Variants in DCC observed in about 807,000 individuals in gnomAD.
DCC encodes DCC netrin 1 receptor.
DCC carries 58 observed loss-of-function variants against 172.5 expected under a neutral mutation model. The observed-to-expected ratio is 0.34, with a 90% confidence interval of 0.27 to 0.42. DCC has a LOEUF of 0.42. Among genes scored for constraint, DCC ranks in the 10% least tolerant of loss-of-function variants. DCC has a pLI of 1.00. For missense variants in DCC, 1,740 were observed against 1,791.0 expected (o/e 0.97, Z 0.51); for synonymous variants, 709 against 644.5 (o/e 1.10, Z -1.52).
At chr18:52,501,997 A>C (rs1052712537) in intron 1 of DCC, among the ~76,000 whole-genome samples, 3 of 152,208 alleles carry the variant, frequency 2.0e-5, no homozygotes, top group African/African-American at 7.2e-5. Context: ...AACTTGTCTC[A>C]GATCCACTGA....
chr18:52,753,776 G>GC (rs2037034993), intron 2 of DCC, among the ~76,000 whole-genome samples: 1 of 152,082 alleles, frequency 6.6e-6, no homozygotes, highest in Non-Finnish European at 1.5e-5. Flanking sequence ...TGCTATTTCT[G>GC]CCCCACTCTT....
At chr18:52,409,541 C>T (rs546857386) in intron 1 of DCC, among the ~76,000 whole-genome samples, 2 of 152,274 alleles carry the variant, frequency 1.3e-5, no homozygotes, top group East Asian at 3.9e-4. Flanking sequence ...GGATTTAGAG[C>T]CAGCGGCCTG....
rs138330079 is a variant in DCC at position 53,403,139 on chromosome 18, G to A, written c.2935+246G>A. 1.3e-3 allele frequency among the ~76,000 whole-genome samples: 192 copies of A among 149,774 alleles called. 1 individual carries two copies. The highest frequency in any genetic ancestry group is 6.8e-3 in the Middle Eastern group (2 of 294). On this transcript the variant is annotated intron_variant, in intron 19 of 28. Transcript: ENST00000442544. ...ACACACGTCATTTGATTTGCTTCAC[G>A]AAAGATGTGTATTTCAATTAGAATA...
intron 1 of DCC, among the ~76,000 whole-genome samples, chr18:52,370,665 A>C (rs147949244): frequency 1.3e-5 from 2 of 152,300 alleles, no homozygotes; most frequent in East Asian, 3.9e-4. Flanking sequence ...CACGACACAC[A>C]TTTACCTATG....
intron 12 of DCC, among the ~76,000 whole-genome samples, chr18:53,259,354 G>A (rs905397048): frequency 6.6e-6 from 1 of 152,166 alleles, no homozygotes; most frequent in South Asian, 2.1e-4. Context: ...GGTACCAGTT[G>A]TTCCTTTCCA....
chr18:53,251,452 C>CT (rs1490780937), intron 12 of DCC, among the ~76,000 whole-genome samples: 1 of 151,856 alleles, frequency 6.6e-6, no homozygotes, highest in Non-Finnish European at 1.5e-5. Flanking sequence ...ATGGATATAA[C>CT]TAACAATAAC....
chr18:52,503,227 A>C (rs554006117), intron 1 of DCC, among the ~76,000 whole-genome samples: 4 of 152,192 alleles, frequency 2.6e-5, no homozygotes, highest in Non-Finnish European at 5.9e-5. Flanking sequence ...TAGAAGCCGA[A>C]TGACTATACA....
chr18:53,183,880 C>A (rs2055238056), intron 9 of DCC, among the ~76,000 whole-genome samples: 1 of 151,868 alleles, frequency 6.6e-6, no homozygotes, highest in South Asian at 2.1e-4. Context: ...GTTTGTCAAT[C>A]ATCGAGACCT....
intron 1 of DCC, among the ~76,000 whole-genome samples, chr18:52,399,749 A>G (rs911417883): frequency 6.6e-6 from 1 of 151,954 alleles, no homozygotes; most frequent in Non-Finnish European, 1.5e-5. Context: ...GTGTTTTTCC[A>G]TTATAAAGCC....
At chr18:53,350,722 GT>G in intron 15 of DCC, among the ~76,000 whole-genome samples, 1 of 152,090 alleles carries the variant, frequency 6.6e-6, no homozygotes, top group East Asian at 1.9e-4. Context: ...AAGTTGGAAA[GT>G]TGGTAATTCA....
chr18:53,180,462 G>A (rs966218852), intron 9 of DCC, among the ~76,000 whole-genome samples: 5 of 151,996 alleles, frequency 3.3e-5, no homozygotes, highest in Non-Finnish European at 7.4e-5. Context: ...AAAAACACAG[G>A]GGCACATTGT....
intron 7 of DCC, among the ~76,000 whole-genome samples, chr18:53,149,269 A>G (rs1321263554): frequency 1.3e-5 from 2 of 152,184 alleles, no homozygotes; most frequent in Non-Finnish European, 2.9e-5. Context: ...ACAAATAACA[A>G]TAATAACAGC....
At chr18:52,785,614 T>C (rs2037643084) in intron 2 of DCC, among the ~76,000 whole-genome samples, 1 of 152,064 alleles carries the variant, frequency 6.6e-6, no homozygotes, top group African/African-American at 2.4e-5. Flanking sequence ...TTGTTTGGTC[T>C]GCAGCACCAT....
chr18:52,869,357 G>A (rs1185125690), intron 2 of DCC, among the ~76,000 whole-genome samples: 1 of 152,172 alleles, frequency 6.6e-6, no homozygotes, highest in Non-Finnish European at 1.5e-5. Flanking sequence ...GTCTATAGCT[G>A]GTCGTCCTGT....
At chr18:53,236,422 G>A (rs979599042) in intron 12 of DCC, among the ~76,000 whole-genome samples, 17 of 152,006 alleles carry the variant, frequency 1.1e-4, no homozygotes, top group Non-Finnish European at 2.2e-4. Flanking sequence ...TTATCAATGT[G>A]TAGAAATTCT....
At chr18:52,474,206 TAGAGAG>T (rs61277582) in intron 1 of DCC, among the ~76,000 whole-genome samples, 30,144 of 100,486 alleles carry the variant, frequency 0.3, 3,909 homozygotes, top group Admixed American at 0.42. Flanking sequence ...GTAACAGACC[TAGAGAG>T]AGAGAGAGAG....
chr18:53,056,197 A>G (rs12955163), intron 5 of DCC, among the ~76,000 whole-genome samples: 41,079 of 151,902 alleles, frequency 0.27, 6,007 homozygotes, highest in African/African-American at 0.38. Flanking sequence ...CGAAAGGCAA[A>G]GGGGAAGTTA....
intron 7 of DCC, 72 bp from the exon 8 acceptor site, chr18:53,157,284 G>T: frequency 6.3e-7 from 1 of 1,588,068 alleles, no homozygotes; most frequent in Non-Finnish European, 8.6e-7. Flanking sequence ...CTAATAGGTT[G>T]GCTCTGCCTT....
At chr18:52,648,778 A>G (rs1033253175) in intron 1 of DCC, among the ~76,000 whole-genome samples, 1 of 152,330 alleles carries the variant, frequency 6.6e-6, no homozygotes, top group Admixed American at 6.5e-5. Flanking sequence ...GGAAATTTTA[A>G]GAGAAAAAAA....
Sources: gnomAD v4.1 joint callset for allele counts (sites outside exome capture counted in the v4.1 genomes callset) on GRCh38, gnomAD v4.1.1 for gene constraint, MANE v1.5 for transcripts, NCBI Gene and HGNC (gene_info 2026-07-23, HGNC 2026-07-21) for gene names.